KAZN: variants seen among roughly 807,000 people sequenced by gnomAD.
KAZN encodes kazrin, periplakin interacting protein, also known as kazrin.
Under a neutral mutation model 87.4 loss-of-function variants are expected in KAZN, and 40 were observed. That is an observed-to-expected ratio of 0.46 (90% CI 0.36 to 0.60). The LOEUF (loss-of-function observed/expected upper bound fraction) is 0.60, where lower values mean the gene tolerates loss of function less well. KAZN is among the 20% of genes least tolerant of loss of function. KAZN has a pLI of 0.00. For missense variants in KAZN, 898 were observed against 1,073.9 expected, an observed-to-expected ratio of 0.84 and a Z score of 2.29; for synonymous variants, 466 against 458.3, an observed-to-expected ratio of 1.02 and a Z score of -0.22.
chr1:14,018,669 G>A (rs989476694), intron 1 of KAZN, among the ~76,000 whole-genome samples: 2 of 152,082 alleles, frequency 1.3e-5, no homozygotes, highest in African/African-American at 4.8e-5. Context: ...TGGGGGCCTG[G>A]ATAGAACAAA....
intron 1 of KAZN, among the ~76,000 whole-genome samples, chr1:14,696,886 G>C (rs181041146): frequency 6.6e-6 from 1 of 152,298 alleles, no homozygotes; most frequent in Non-Finnish European, 1.5e-5. Flanking sequence ...ACAAGGCTAA[G>C]AAACAGTGAA....
At chr1:14,562,288 A>C (rs1358946626) in intron 2 of KAZN, among the ~76,000 whole-genome samples, 1 of 152,240 alleles carries the variant, frequency 6.6e-6, no homozygotes, top group African/African-American at 2.4e-5. Flanking sequence ...AGGGAAGTGG[A>C]GGGAAACCAA....
At chr1:14,605,884 G>A (rs944701360) in intron 1 of KAZN, among the ~76,000 whole-genome samples, 1 of 152,192 alleles carries the variant, frequency 6.6e-6, no homozygotes, top group African/African-American at 2.4e-5. Flanking sequence ...CTACAATGGG[G>A]ATGATAGTAG....
intron 8 of KAZN, among the ~76,000 whole-genome samples, chr1:15,092,073 ATTT>A (rs58871336): frequency 1.3e-5 from 1 of 75,478 alleles, no homozygotes; most frequent in Non-Finnish European, 2.5e-5. Flanking sequence ...TTTTTTTTTG[ATTT>A]TTTTTTTTTT....
In KAZN at chr1:14,373,584, C is replaced by T. The variant is rs144390360; in HGVS notation, c.249+192992C>T. Among the ~76,000 whole-genome samples, 778 of 152,320 alleles carry T rather than the reference C, an allele frequency of 5.1e-3. 10 individuals carry two copies. The highest frequency in any genetic ancestry group is 0.017 in the African/African-American group (697 of 41,578). On this transcript the variant is annotated intron_variant, in intron 2 of 16. Coordinates refer to the KAZN transcript ENST00000636203. ...TTCCAGAAACGCCCTCACAGCCCAA[C>T]CCAGAAATAATGTTTAACCAGATGT...
intron 1 of KAZN, among the ~76,000 whole-genome samples, chr1:14,862,219 G>A (rs558575844): frequency 3.9e-5 from 6 of 152,142 alleles, no homozygotes; most frequent in Admixed American, 6.5e-5. Context: ...ACTTGACAAC[G>A]GCCATAACAA....
chr1:14,514,612 TATATA>T (rs373541522), intron 2 of KAZN, among the ~76,000 whole-genome samples: 1 of 37,602 alleles, frequency 2.7e-5, no homozygotes, highest in African/African-American at 1.2e-4. Context: ...TATATATATA[TATATA>T]TATATATATA....
chr1:14,286,205 CTT>C (rs1209264307), intron 2 of KAZN, among the ~76,000 whole-genome samples: 2 of 152,172 alleles, frequency 1.3e-5, no homozygotes, highest in South Asian at 2.1e-4. Context: ...TGAAGACACT[CTT>C]TTTAGCTTGT....
intron 2 of KAZN, among the ~76,000 whole-genome samples, chr1:14,968,705 T>G (rs919044280): frequency 6.6e-6 from 1 of 152,208 alleles, no homozygotes; most frequent in Non-Finnish European, 1.5e-5. Context: ...CTCTCCTTAC[T>G]GGAAGGACTA....
Position 15,066,124 on chromosome 1 carries a change from T to C in KAZN, c.1222+371T>C. ...CAGTGTTTGGTTTTTCTTTTTCTTT[T>C]TGTTTGGTTCGTCGGTTTGTTTTTG... On this transcript the variant is annotated intron_variant, in intron 8 of 14. Transcript: ENST00000376030. This position sits in a 1 kb window ranked among gnomAD's most constrained non-coding sequence, Gnocchi z 4.3. 9.2e-7 allele frequency: 1 copy of C among 1,091,322 alleles called. No homozygotes were observed. The allele number at this position is 1,091,322 out of a possible 1,614,324, so 67.6% of individuals were successfully genotyped here. A position where few individuals can be genotyped will look rare whatever the true frequency, so the allele number is the denominator to read the frequency against.
rs540971693 is a variant in KAZN, at chr1:14,292,809, G to T, written c.249+112217G>T. On this transcript the variant is annotated intron_variant, in intron 2 of 16. Transcript: ENST00000636203. ...GAGCTGGAGAGCGGCTTCCTTCTCA[G>T]TGCACCTGTTTCCTCCAACCCCCTG... is the stretch of plus-strand genomic sequence containing the variant. Among the ~76,000 whole-genome samples, 8 of 152,318 alleles carry T rather than the reference G, an allele frequency of 5.3e-5. No homozygotes were observed. The South Asian group carries it at 1.7e-3, about 32-fold the overall frequency.
chr1:15,110,104 CGTATTTGTGTGT>C (rs1641474695), intron 13 of KAZN, among the ~76,000 whole-genome samples: 1 of 132,606 alleles, frequency 7.5e-6, no homozygotes, highest in Non-Finnish European at 1.6e-5. Flanking sequence ...TGTGTATGTG[CGTATTTGTGTGT>C]GTATTTGTGT....
chr1:15,112,469 T>A lies in KAZN; in HGVS notation c.2091T>A (p.Pro697=). 1.2e-6 allele frequency: 2 copies of A among 1,606,962 alleles called. No individual in the cohort carries two copies. Among genetic ancestry groups the A allele is most frequent in the Non-Finnish European group, 1.7e-6 (2 of 1,177,506 alleles). Residue 697 remains proline, a synonymous_variant, in exon 14 of 15, where the codon CCT becomes CCA. Coordinates refer to ENST00000376030, the MANE Select transcript of KAZN (RefSeq NM_201628.3). ...IREAERFGTP[P]GRASSVTRAG... is the part of the protein sequence containing the mutation. ...AGGCTGAGCGTTTTGGAACGCCCCC[T>A]GGCAGGGCCTCCAGCGTCACGCGGG... is the stretch of plus-strand genomic sequence containing the variant.
chr1:14,457,514 A>C lies in KAZN; in HGVS notation c.250-141469A>C, dbSNP rs1667628517. Reference sequence around the variant, plus strand: ...TAATGTCCATTTTTGAACAGAAATAATTCATGCACGTGGCCCTTTCTATTT... The same window carrying C: ...TAATGTCCATTTTTGAACAGAAATACTTCATGCACGTGGCCCTTTCTATTT... On this transcript the variant is annotated intron_variant, in intron 2 of 16. Transcript: ENST00000636203. Among the ~76,000 whole-genome samples the C allele has an allele frequency of 2.6e-5, 4 of 152,202 alleles. No homozygotes were observed. The South Asian group carries it at 8.3e-4, about 32-fold the overall frequency.
intron 1 of KAZN, among the ~76,000 whole-genome samples, chr1:14,016,451 TG>T (rs1338416370): frequency 1.3e-5 from 2 of 152,182 alleles, no homozygotes; most frequent in Admixed American, 1.3e-4. Flanking sequence ...GACAGTTGAC[TG>T]AATCTGTGGG....
chr1:15,001,476 A>AG (rs1234958330), intron 2 of KAZN, among the ~76,000 whole-genome samples: 1 of 152,018 alleles, frequency 6.6e-6, no homozygotes, highest in Non-Finnish European at 1.5e-5. Context: ...AAAAAAAAAA[A>AG]AAAAAGTTTT....
chr1:13,900,462 G>C (rs1222347262), intron 1 of KAZN, among the ~76,000 whole-genome samples: 4 of 152,122 alleles, frequency 2.6e-5, no homozygotes, highest in African/African-American at 9.7e-5. Context: ...ACCACTGCTT[G>C]ACCTCAAGAA....
At chr1:14,234,041 A>T (rs1648133369) in intron 2 of KAZN, among the ~76,000 whole-genome samples, 1 of 152,306 alleles carries the variant, frequency 6.6e-6, no homozygotes, top group Middle Eastern at 3.4e-3. Flanking sequence ...CAGCAATCCC[A>T]TTATTGGGTA....
In KAZN at chr1:14,994,692, G is replaced by A. The variant is rs143311925; in HGVS notation, c.418+33817G>A. On this transcript the variant is annotated intron_variant, in intron 2 of 14. Coordinates refer to ENST00000376030, the MANE Select transcript of KAZN (RefSeq NM_201628.3). Reference sequence around the variant, plus strand: ...TTAGAGGCAGTGCCACGTGGGGAGTGGAGAATATGCTGTCTGGTTCAAATC... The same window carrying A: ...TTAGAGGCAGTGCCACGTGGGGAGTAGAGAATATGCTGTCTGGTTCAAATC... 2.8e-3 allele frequency among the ~76,000 whole-genome samples: 422 copies of A among 152,336 alleles called. 3 individuals carry two copies. The highest frequency in any genetic ancestry group is 9.9e-3 in the African/African-American group (411 of 41,582).
Sources: gnomAD v4.1 joint callset for allele counts (sites outside exome capture counted in the v4.1 genomes callset) on GRCh38, gnomAD v4.1.1 for gene constraint, Gnocchi (gnomAD v3.1) non-coding constraint, MANE v1.5 for transcripts, NCBI Gene and HGNC (gene_info 2026-07-23, HGNC 2026-07-21) for gene names.